NPAS3: variants seen among roughly 807,000 people sequenced by gnomAD.
The protein encoded by NPAS3 is neuronal PAS domain-containing protein 3.
A neutral mutation model predicts 73.1 loss-of-function variants in NPAS3; 14 were observed. That is an observed-to-expected ratio of 0.19 (90% CI 0.13 to 0.30). The LOEUF (loss-of-function observed/expected upper bound fraction) is 0.30. Ranked by LOEUF, NPAS3 falls within the 10% of genes least tolerant of loss-of-function variation. The pLI is 1.00. For missense variants in NPAS3, 1,096 were observed against 1,250.0 expected (o/e 0.88, Z 1.86); for synonymous variants, 620 against 541.5 (o/e 1.14, Z -2.01).
At chr14:33,323,959 A>G (rs2043574796) in intron 3 of NPAS3, among the ~76,000 whole-genome samples, 1 of 152,218 alleles carries the variant, frequency 6.6e-6, no homozygotes, top group African/African-American at 2.4e-5. Flanking sequence ...CATCATTTAT[A>G]CTGAGAATAA....
intron 4 of NPAS3, among the ~76,000 whole-genome samples, chr14:33,531,912 G>T (rs114521340): frequency 0.01 from 1,523 of 152,148 alleles, 29 homozygotes; most frequent in African/African-American, 0.035. Context: ...TTTGCATTTT[G>T]CAAATGGCTA....
intron 5 of NPAS3, among the ~76,000 whole-genome samples, chr14:33,585,144 A>C (rs1237159175): frequency 6.6e-6 from 1 of 151,970 alleles, no homozygotes; most frequent in Non-Finnish European, 1.5e-5. Flanking sequence ...GCAAGAAAGA[A>C]ACTGTCATAG....
At chr14:33,670,772 CACAA>C (rs922458390) in intron 5 of NPAS3, among the ~76,000 whole-genome samples, 43 of 152,052 alleles carry the variant, frequency 2.8e-4, no homozygotes, top group African/African-American at 9.6e-4. Context: ...AGCCACTTAC[CACAA>C]ACAGAGTCCT....
intron 5 of NPAS3, among the ~76,000 whole-genome samples, chr14:33,639,138 A>G (rs776858014): frequency 3.9e-5 from 6 of 152,208 alleles, no homozygotes; most frequent in Non-Finnish European, 4.4e-5. Context: ...GCTTTTTGAA[A>G]TGTTGGTAAC....
intron 2 of NPAS3, among the ~76,000 whole-genome samples, chr14:33,171,707 A>G (rs911175111): frequency 3.3e-5 from 5 of 152,154 alleles, no homozygotes; most frequent in Non-Finnish European, 5.9e-5. Context: ...TTGTGTGTTC[A>G]CTGACTGGAG....
At chr14:33,250,174 T>C (rs1252851416) in intron 3 of NPAS3, among the ~76,000 whole-genome samples, 1 of 152,088 alleles carries the variant, frequency 6.6e-6, no homozygotes, top group Non-Finnish European at 1.5e-5. Context: ...AGCCTTATGA[T>C]AGATTTGTGT....
chr14:33,043,291 A>G (rs2040403620), intron 1 of NPAS3, among the ~76,000 whole-genome samples: 1 of 152,130 alleles, frequency 6.6e-6, no homozygotes, highest in Non-Finnish European at 1.5e-5. Context: ...TTGAAATGCT[A>G]TACTAAACGA....
intron 2 of NPAS3, among the ~76,000 whole-genome samples, chr14:33,131,013 A>G (rs1189143574): frequency 1.3e-5 from 2 of 152,114 alleles, no homozygotes; most frequent in African/African-American, 2.4e-5. Context: ...GAAGTTTCAA[A>G]CCATCCATGC....
At chr14:33,174,670 C>T (rs542772514) in intron 2 of NPAS3, among the ~76,000 whole-genome samples, 1 of 152,166 alleles carries the variant, frequency 6.6e-6, no homozygotes, top group African/African-American at 2.4e-5. Context: ...TTAATCTCCA[C>T]ACCTGATCTT....
chr14:33,368,401 A>AAC (rs1323444780), intron 4 of NPAS3, among the ~76,000 whole-genome samples: 1 of 152,074 alleles, frequency 6.6e-6, no homozygotes, highest in East Asian at 1.9e-4. Flanking sequence ...AGAATCACCC[A>AAC]ACACTTGCTC....
At chr14:33,502,875 G>T (rs2052585338) in intron 4 of NPAS3, among the ~76,000 whole-genome samples, 2 of 151,850 alleles carry the variant, frequency 1.3e-5, no homozygotes, top group African/African-American at 4.8e-5. Flanking sequence ...ACTATGTTTT[G>T]GGTCTTGCTT....
At chr14:33,054,450 C>G (rs1595341987) in intron 1 of NPAS3, among the ~76,000 whole-genome samples, 1 of 151,944 alleles carries the variant, frequency 6.6e-6, no homozygotes, top group East Asian at 1.9e-4. Context: ...TTGAATATAA[C>G]ACAGAGAATG....
intron 1 of NPAS3, among the ~76,000 whole-genome samples, chr14:32,939,568 C>T (rs2035882194): frequency 7.5e-6 from 1 of 132,724 alleles, no homozygotes; most frequent in Non-Finnish European, 1.5e-5. Flanking sequence ...TGGCGGCGGC[C>T]GGGCTCTCTG....
intron 5 of NPAS3, among the ~76,000 whole-genome samples, chr14:33,626,456 C>T (rs1273844360): frequency 6.6e-6 from 1 of 152,200 alleles, no homozygotes; most frequent in Non-Finnish European, 1.5e-5. Context: ...ATACGTCCCA[C>T]TGTGTTTGAG....
intron 2 of NPAS3, among the ~76,000 whole-genome samples, chr14:33,199,708 C>T (rs539223052): frequency 1.4e-5 from 2 of 145,008 alleles, no homozygotes; most frequent in East Asian, 4.3e-4. Context: ...CCCTTTTCCC[C>T]TCCCCCTTCT....
intron 5 of NPAS3, among the ~76,000 whole-genome samples, chr14:33,655,031 C>T (rs1464250877): frequency 6.6e-6 from 1 of 152,206 alleles, no homozygotes; most frequent in Admixed American, 6.5e-5. Context: ...GAACACCCTG[C>T]AAGGTGGATG....
At chr14:33,158,762 C>A (rs1026970207) in intron 2 of NPAS3, among the ~76,000 whole-genome samples, 2 of 152,120 alleles carry the variant, frequency 1.3e-5, no homozygotes, top group African/African-American at 4.8e-5. Context: ...TGTTACTTGT[C>A]TACTGGTAAT....
intron 1 of NPAS3, among the ~76,000 whole-genome samples, chr14:33,027,299 G>A (rs966440249): frequency 1.3e-5 from 2 of 152,254 alleles, no homozygotes; most frequent in East Asian, 1.9e-4. Flanking sequence ...AAATAGCAAG[G>A]CAGTTCAGAG....
intron 5 of NPAS3, among the ~76,000 whole-genome samples, chr14:33,604,824 G>T (rs954009177): frequency 2.0e-5 from 3 of 152,032 alleles, no homozygotes; most frequent in Admixed American, 2.0e-4. Context: ...CTTCAAATAT[G>T]TGGAAGCTAA....
Sources: gnomAD v4.1 joint callset for allele counts (sites outside exome capture counted in the v4.1 genomes callset) on GRCh38, gnomAD v4.1.1 for gene constraint, MANE v1.5 for transcripts, NCBI Gene and HGNC (gene_info 2026-07-23, HGNC 2026-07-21) for gene names.